Variants in PATZ1 observed in about 807,000 individuals in gnomAD.
PATZ1 encodes POZ-, AT hook-, and zinc finger-containing protein 1.
PATZ1 carries 9 observed loss-of-function variants against 46.2 expected under a neutral mutation model. That is an observed-to-expected ratio of 0.19 (90% confidence interval 0.12 to 0.34). The LOEUF (loss-of-function observed/expected upper bound fraction) is 0.34. Among genes scored for constraint, PATZ1 ranks in the 10% least tolerant of loss-of-function variants. The probability of loss-of-function intolerance (pLI) is 1.00; values close to 1 mark genes in which losing one functional copy is unlikely to be tolerated. For synonymous variants in PATZ1, 426 were observed against 378.6 expected (o/e 1.13, Z -1.45); for missense variants, 632 against 923.0 (o/e 0.68, Z 4.08).
chr22:31,337,203 T>A (rs2049522594), intron 2 of PATZ1, among the ~76,000 whole-genome samples: 1 of 152,226 alleles, frequency 6.6e-6, no homozygotes, highest in South Asian at 2.1e-4. Flanking sequence ...GCATTCATTG[T>A]GTGCCAGGCA....
At chr22:31,341,098 T>A in intron 2 of PATZ1, 2 of 1,117,432 alleles carry the variant, frequency 1.8e-6, no homozygotes, top group Non-Finnish European at 1.1e-6. Context: ...GGTGGCTAGT[T>A]CCCAGGAAGG....
In PATZ1 at chr22:31,336,834, G is replaced by A. The variant is rs947038264; in HGVS notation, c.1336-971C>T. Among the ~76,000 whole-genome samples, 13 of 147,576 alleles carry A rather than the reference G, an allele frequency of 8.8e-5. No individual in the cohort carries two copies. In the South Asian group the frequency reaches 1.9e-3, roughly 22 times the overall value. On this transcript the variant is annotated intron_variant, in intron 2 of 4. Transcript: ENST00000266269. ...AAAAAAAAAAAAAAAAAAAATCCGG[G>A]CGCGGTGGCTCACACCTGTAATCCC...
Position 31,344,320 on chromosome 22 carries a change from G to T in PATZ1, c.1271+12C>A. On this transcript the variant is annotated intron_variant, in intron 1 of 4. Coordinates refer to ENST00000266269, the MANE Select transcript of PATZ1 (RefSeq NM_014323.3). ...ACGTGTGGCAGGGGAGGAAGAGGGG[G>T]CCTTTCCTCACCTGGAGAAGCCTTT... is the stretch of plus-strand genomic sequence containing the variant. The T allele has an allele frequency of 6.3e-7, 1 of 1,581,296 alleles. No homozygotes were observed. The highest frequency in any genetic ancestry group is 8.6e-7 in the Non-Finnish European group (1 of 1,161,848).
In PATZ1 at chr22:31,328,789, T is replaced by C; in HGVS notation, c.1643A>G (p.Lys548Arg). ...GTGCAGAGCAAGGGGTCGCTTGCCT[T>C]TGTTGCCATAGGTCCTGGCGCAGTG... ...AFHCARTYGNKEGQKCSHQDP... is the reference protein window; with the variant it reads ...AFHCARTYGNREGQKCSHQDP... Residue 548 changes from lysine to arginine, a missense_variant and splice_region_variant, in exon 4 of 5, where the codon AAA becomes AGA. Physicochemically the swap from Lys to Arg is conservative, Grantham distance 26. Coordinates refer to ENST00000266269, the MANE Select transcript of PATZ1 (RefSeq NM_014323.3). This position sits in a 1 kb window ranked among gnomAD's most constrained non-coding sequence, Gnocchi z 4.8. 3 of 1,612,800 alleles carry C rather than the reference T, an allele frequency of 1.9e-6. No individual in the cohort carries two copies. The East Asian group carries it at 6.7e-5, about 36-fold the overall frequency.
intron 2 of PATZ1, among the ~76,000 whole-genome samples, chr22:31,340,176 G>A (rs1032860629): frequency 6.6e-6 from 1 of 152,196 alleles, no homozygotes; most frequent in Non-Finnish European, 1.5e-5. Context: ...GGGCATCTGG[G>A]CCAGTTAAGG....
chr22:31,338,555 C>T (rs1017922794), intron 2 of PATZ1, among the ~76,000 whole-genome samples: 1 of 152,206 alleles, frequency 6.6e-6, no homozygotes, highest in Non-Finnish European at 1.5e-5. Context: ...AACTCCTAAC[C>T]TCTACACAGC....
intron 3 of PATZ1, among the ~76,000 whole-genome samples, chr22:31,334,232 C>T (rs905215126): frequency 6.6e-6 from 1 of 152,220 alleles, no homozygotes; most frequent in African/African-American, 2.4e-5. Context: ...CAGCCACAGC[C>T]TGATAACTCT....
At position 31,337,016 on chromosome 22, in the gene PATZ1, G is replaced by A. The variant is rs947069562; in HGVS notation, c.1336-1153C>T. On this transcript the variant is annotated intron_variant, in intron 2 of 4. Transcript: ENST00000266269. ...TCCCAGCTACTCGGGAGGCTGAGGC[G>A]GGAGAATGGCATAAACCCGGGAGGC... 6.0e-5 allele frequency among the ~76,000 whole-genome samples: 9 copies of A among 149,528 alleles called. 1 individual carries two copies. The highest frequency in any genetic ancestry group is 3.3e-4 in the Admixed American group (5 of 14,970).
At chr22:31,336,251 G>T (rs2049507400) in intron 2 of PATZ1, among the ~76,000 whole-genome samples, 1 of 152,336 alleles carries the variant, frequency 6.6e-6, no homozygotes, top group East Asian at 1.9e-4. Flanking sequence ...ATTTACAGAT[G>T]AGTTATTGGC....
rs562189624 is a variant in PATZ1, at chr22:31,334,142, T to C, written c.1507+1550A>G. Among the ~76,000 whole-genome samples the C allele has an allele frequency of 1.1e-4, 16 of 152,268 alleles. No homozygotes were observed. The South Asian group carries it at 3.1e-3, about 30-fold the overall frequency. On this transcript the variant is annotated intron_variant, in intron 3 of 4. Coordinates refer to ENST00000266269, the MANE Select transcript of PATZ1 (RefSeq NM_014323.3). ...CAGGTTTTGAGTTATCCGGGGGAGC[T>C]GTCAGGAAGCCAGGTTAGGATGAAG...
intron 2 of PATZ1, chr22:31,340,654 G>T (rs1255597600): frequency 9.8e-7 from 1 of 1,016,842 alleles, no homozygotes; most frequent in Non-Finnish European, 1.2e-6. Flanking sequence ...ACAGACCAAG[G>T]ACAAAACACA....
chr22:31,334,348 C>T (rs901579237), intron 3 of PATZ1, among the ~76,000 whole-genome samples: 1 of 152,190 alleles, frequency 6.6e-6, no homozygotes, highest in African/African-American at 2.4e-5. Context: ...GAGACCTTCA[C>T]TACTACTTCC....
At chr22:31,338,360 T>C (rs2049538308) in intron 2 of PATZ1, among the ~76,000 whole-genome samples, 2 of 152,218 alleles carry the variant, frequency 1.3e-5, no homozygotes, top group Non-Finnish European at 2.9e-5. Context: ...TCATACTTTA[T>C]AACACAGTGT....
chr22:31,328,811 A>C lies in PATZ1; in HGVS notation c.1621T>G (p.Cys541Gly). 1 of 1,613,392 alleles carries C rather than the reference A, an allele frequency of 6.2e-7. No individual in the cohort carries two copies. Among genetic ancestry groups the C allele is most frequent in the Non-Finnish European group, 8.5e-7 (1 of 1,179,762 alleles). Reference sequence around the variant, plus strand: ...CCTTTGTTGCCATAGGTCCTGGCGCAGTGGAACGCTGCTCCCCCATTCAGG... The same window carrying C: ...CCTTTGTTGCCATAGGTCCTGGCGCCGTGGAACGCTGCTCCCCCATTCAGG... ...PILNGGAAFH[C>G]ARTYGNKEGQ... The change falls in exon 4 of 5, where the codon TGC (cysteine) becomes GGC (glycine). Residue 541 changes from cysteine (C) to glycine (G), a missense_variant. By Grantham distance (159) the Cys-to-Gly change is radical. Around this residue, in one of 7 missense-constraint regions of PATZ1, gnomAD observed 176 missense variants for 249.4 expected, o/e 0.71. Coordinates refer to ENST00000266269, the MANE Select transcript of PATZ1 (RefSeq NM_014323.3). This position sits in a 1 kb window ranked among gnomAD's most constrained non-coding sequence, Gnocchi z 4.8.
rs1336834219 is a variant in PATZ1, at chr22:31,326,160, T to TA, written c.*730dup. 4 of 221,928 alleles carry TA rather than the reference T, an allele frequency of 1.8e-5. No individual in the cohort carries two copies. 13.7% of individuals were successfully genotyped at this position (221,928 alleles called of 1,614,324 possible). A position where few individuals can be genotyped will look rare whatever the true frequency, so the allele number is the denominator to read the frequency against. On this transcript the variant is annotated 3_prime_UTR_variant, in exon 5 of 5. Transcript: ENST00000266269. ...AGTAGCAATTCACTACAACTGGTCC[T>TA]AAAAAATAATAACAATAATAATAAT... is the stretch of plus-strand genomic sequence containing the variant.
chr22:31,342,466 G>A (rs1427538477), intron 2 of PATZ1, among the ~76,000 whole-genome samples: 1 of 152,118 alleles, frequency 6.6e-6, no homozygotes, highest in Non-Finnish European at 1.5e-5. Context: ...GGTCAGAAAA[G>A]GGGAAGAGTG....
In PATZ1 at chr22:31,342,978, A is replaced by G; in HGVS notation, c.1272-18T>C. Reference sequence around the variant, plus strand: ...GATCAGGCCTGGAAAAGAGAGAACCAAGAGGGACTTTAGAAACTTGGCCAG... The same window carrying G: ...GATCAGGCCTGGAAAAGAGAGAACCGAGAGGGACTTTAGAAACTTGGCCAG... On this transcript the variant is annotated intron_variant, in intron 1 of 4. Transcript: ENST00000266269. 2 of 1,613,680 alleles carry G rather than the reference A, an allele frequency of 1.2e-6. No individual in the cohort carries two copies. Among genetic ancestry groups the G allele is most frequent in the Non-Finnish European group, 1.7e-6 (2 of 1,179,680 alleles).
At chr22:31,335,149 T>C (rs146779296) in intron 3 of PATZ1, among the ~76,000 whole-genome samples, 37 of 152,312 alleles carry the variant, frequency 2.4e-4, no homozygotes, top group African/African-American at 8.4e-4. Context: ...CAGAGCACCT[T>C]CCACTTTCCT....
In PATZ1 at chr22:31,327,112, G is replaced by A. The variant is rs2049377928; in HGVS notation, c.1843C>T (p.Arg615Cys). The change falls in exon 5 of 5, where the codon CGC becomes TGC. Residue 615 changes from arginine (R) to cysteine (C), a missense_variant. Around this residue, in one of 7 missense-constraint regions of PATZ1, gnomAD observed 176 missense variants for 249.4 expected, o/e 0.71. Transcript: ENST00000266269. The surrounding 1 kb of genome is among the most constrained non-coding windows in gnomAD (Gnocchi z 4.2). ...YPCPECGSFF[R>C]SKSYLNKHIQ... ...TGTTTGTTCAAGTAGGACTTAGAGC[G>A]GAAGAAGCTCCCACATTCAGGGCAT... The A allele has an allele frequency of 3.7e-6, 6 of 1,613,948 alleles. No homozygotes were observed. The highest frequency in any genetic ancestry group is 3.3e-5 in the Admixed American group (2 of 59,994).
Sources: allele counts gnomAD v4.1 joint callset (sites outside exome capture counted in the v4.1 genomes callset), GRCh38; gene constraint gnomAD v4.1.1; regional missense constraint gnomAD v4.1.1; non-coding constraint Gnocchi (gnomAD v3.1); transcripts MANE v1.5; gene names NCBI Gene and HGNC (gene_info 2026-07-23, HGNC 2026-07-21).